CHRM2: variants seen among roughly 807,000 people sequenced by gnomAD.
CHRM2 encodes cholinergic receptor muscarinic 2.
CHRM2 carries 8 observed loss-of-function variants against 25.0 expected under a neutral mutation model. The ratio of observed to expected loss-of-function variants is 0.32; its 90% CI spans 0.19 to 0.58. The LOEUF (loss-of-function observed/expected upper bound fraction) is 0.58, where lower values mean the gene tolerates loss of function less well. Ranked by LOEUF, CHRM2 falls within the 20% of genes least tolerant of loss-of-function variation. CHRM2 has a pLI of 0.88. For missense variants in CHRM2, 440 were observed against 567.1 expected (o/e 0.78, Z 2.28); for synonymous variants, 202 against 205.7 (o/e 0.98, Z 0.15).
intron 3 of CHRM2, among the ~76,000 whole-genome samples, chr7:137,012,631 T>C (rs1804897186): frequency 6.6e-6 from 1 of 152,020 alleles, no homozygotes; most frequent in Non-Finnish European, 1.5e-5. Flanking sequence ...ACTAGCCGCA[T>C]AATATTCCAT....
intron 2 of CHRM2, among the ~76,000 whole-genome samples, 182 bp from the exon 3 acceptor site, chr7:136,992,005 C>T (rs1392430123): frequency 6.6e-6 from 1 of 152,108 alleles, no homozygotes; most frequent in East Asian, 1.9e-4. Context: ...GAGGAGTAAA[C>T]CTTTGTCCTG....
chr7:136,992,346 C>T (rs1316136233), intron 3 of CHRM2, 82 bp downstream of exon 3: 21 of 152,100 alleles, frequency 1.4e-4, no homozygotes, highest in Non-Finnish European at 4.4e-5. Context: ...CACAATAATC[C>T]TTTGGAAAGG....
intron 2 of CHRM2, among the ~76,000 whole-genome samples, chr7:136,895,000 C>G (rs1184771022): frequency 1.3e-5 from 2 of 152,052 alleles, no homozygotes; most frequent in Non-Finnish European, 1.5e-5. Flanking sequence ...TTCTACAACT[C>G]TACAGTATTT....
intron 3 of CHRM2, among the ~76,000 whole-genome samples, chr7:136,994,521 C>CTTTTTTTTTTTTT (rs757243972): frequency 2.6e-3 from 188 of 71,294 alleles, no homozygotes; most frequent in Non-Finnish European, 3.1e-3. Flanking sequence ...TTTTTCTTTT[C>CTTTTTTTTTTTTT]TTTTTTTTTT....
intron 2 of CHRM2, among the ~76,000 whole-genome samples, chr7:136,958,142 G>T (rs367605024): frequency 2.6e-5 from 4 of 152,160 alleles, no homozygotes; most frequent in East Asian, 1.9e-4. Flanking sequence ...TTATGCTAAC[G>T]GAAATGAGCC....
intron 2 of CHRM2, among the ~76,000 whole-genome samples, chr7:136,958,081 C>T (rs1800829378): frequency 6.6e-6 from 1 of 152,096 alleles, no homozygotes; most frequent in South Asian, 2.1e-4. Flanking sequence ...TGCCATTTTT[C>T]AAATTTTTAA....
At chr7:137,000,731 T>A (rs535926032) in intron 3 of CHRM2, among the ~76,000 whole-genome samples, 43 of 140,104 alleles carry the variant, frequency 3.1e-4, no homozygotes, top group African/African-American at 1.2e-3. Flanking sequence ...TCTGTTCACC[T>A]TTTTTTTTTT....
intron 2 of CHRM2, among the ~76,000 whole-genome samples, chr7:136,988,863 G>A (rs532306262): frequency 6.6e-6 from 1 of 151,898 alleles, no homozygotes; most frequent in Non-Finnish European, 1.5e-5. Flanking sequence ...TAATAAATAT[G>A]CCTATACATA....
chr7:136,987,987 T>A (rs1802969231), intron 2 of CHRM2, among the ~76,000 whole-genome samples: 1 of 151,800 alleles, frequency 6.6e-6, no homozygotes, highest in Non-Finnish European at 1.5e-5. Context: ...ATGTAAATCA[T>A]ACTTACAAAA....
At chr7:136,949,857 G>A (rs1462387369) in intron 2 of CHRM2, among the ~76,000 whole-genome samples, 1 of 151,746 alleles carries the variant, frequency 6.6e-6, no homozygotes, top group Non-Finnish European at 1.5e-5. Flanking sequence ...CAAACATAAT[G>A]GTTTTTCTAT....
chr7:136,973,800 G>A (rs1019204020), intron 2 of CHRM2, among the ~76,000 whole-genome samples: 1 of 151,960 alleles, frequency 6.6e-6, no homozygotes, highest in East Asian at 1.9e-4. Context: ...TGGTAGGGGT[G>A]TCTATTTGTT....
chr7:136,903,272 T>A (rs571430439), intron 2 of CHRM2: 1 of 533,020 alleles, frequency 1.9e-6, no homozygotes, highest in African/African-American at 1.9e-5. Context: ...TGTTGAGCTG[T>A]TCACAAGCAG....
At position 137,011,213 on chromosome 7, in the gene CHRM2, G is replaced by C. The variant is rs1392174594; in HGVS notation, c.-46-3607G>C. On this transcript the variant is annotated intron_variant, in intron 3 of 3. Coordinates refer to ENST00000680005, the MANE Select transcript of CHRM2 (RefSeq NM_001006630.2). ...TGTGTACGTGTGTGTGTGTGTGTGTGTGTATATATATATATATATATGGAT... is the reference window on the plus strand; with the variant it reads ...TGTGTACGTGTGTGTGTGTGTGTGTCTGTATATATATATATATATATGGAT... Among the ~76,000 whole-genome samples, 7 of 115,996 alleles carry C rather than the reference G, an allele frequency of 6.0e-5. 1 individual carries two copies. Among genetic ancestry groups the C allele is most frequent in the African/African-American group, 3.4e-4 (7 of 20,600 alleles). The allele number at this position is 115,996 out of a possible 152,430, so 76.1% of individuals were successfully genotyped here. A position where few individuals can be genotyped will look rare whatever the true frequency, so the allele number is the denominator to read the frequency against.
chr7:136,937,823 T>G (rs1799507244), intron 2 of CHRM2, among the ~76,000 whole-genome samples: 1 of 152,142 alleles, frequency 6.6e-6, no homozygotes, highest in Admixed American at 6.5e-5. Context: ...CCATTACATA[T>G]CACTTAGAAA....
intron 2 of CHRM2, among the ~76,000 whole-genome samples, chr7:136,880,115 C>T (rs986496681): frequency 6.6e-6 from 1 of 151,056 alleles, no homozygotes; most frequent in Non-Finnish European, 1.5e-5. Flanking sequence ...TATCTTAGTG[C>T]GTAAGGTTTG....
chr7:136,969,732 G>A (rs559450502), intron 2 of CHRM2, among the ~76,000 whole-genome samples: 3 of 151,990 alleles, frequency 2.0e-5, no homozygotes, highest in South Asian at 2.1e-4. Flanking sequence ...ATACCTTCTC[G>A]GCATATTAGT....
chr7:136,915,988 C>T (rs892387334), intron 2 of CHRM2, among the ~76,000 whole-genome samples: 1 of 151,588 alleles, frequency 6.6e-6, no homozygotes, highest in African/African-American at 2.4e-5. Context: ...CAAGCCTGTC[C>T]CATTGTGGGT....
chr7:136,907,669 A>G (rs1428187544), intron 2 of CHRM2, among the ~76,000 whole-genome samples: 1 of 151,974 alleles, frequency 6.6e-6, no homozygotes, highest in African/African-American at 2.4e-5. Context: ...TGTCTCAGCC[A>G]AACATACTTA....
chr7:136,984,567 G>C (rs546336179), intron 2 of CHRM2, among the ~76,000 whole-genome samples: 1 of 152,158 alleles, frequency 6.6e-6, no homozygotes, highest in Non-Finnish European at 1.5e-5. Flanking sequence ...CAGAGCCCTT[G>C]TGGTGTAGGC....
Sources: allele counts gnomAD v4.1 joint callset (sites outside exome capture counted in the v4.1 genomes callset), GRCh38; gene constraint gnomAD v4.1.1; transcripts MANE v1.5; gene names NCBI Gene and HGNC (gene_info 2026-07-23, HGNC 2026-07-21).